Variants in CABYR observed in about 807,000 individuals in gnomAD.
The protein encoded by CABYR is calcium-binding tyrosine phosphorylation-regulated protein.
CABYR carries 31 observed loss-of-function variants against 36.1 expected under a neutral mutation model. The ratio of observed to expected loss-of-function variants is 0.86; its 90% CI spans 0.64 to 1.16. The LOEUF (loss-of-function observed/expected upper bound fraction) is 1.16. Ranked by LOEUF, CABYR falls within the 50% of genes most tolerant of loss-of-function variation. The pLI is 0.00. For synonymous variants in CABYR, 146 were observed against 160.7 expected (o/e 0.91, Z 0.69); for missense variants, 429 against 455.8 (o/e 0.94, Z 0.53).
chr18:24,145,346 A>T (rs909699181), intron 3 of CABYR, among the ~76,000 whole-genome samples: 1 of 152,226 alleles, frequency 6.6e-6, no homozygotes, highest in Admixed American at 6.5e-5. Context: ...ATATAAAACG[A>T]AGTCCAGCAC....
chr18:24,146,872 G>T (rs2085471838), intron 3 of CABYR, among the ~76,000 whole-genome samples: 1 of 152,120 alleles, frequency 6.6e-6, no homozygotes, highest in African/African-American at 2.4e-5. Flanking sequence ...GACCTAGAAT[G>T]CCAGCCTAGA....
chr18:24,158,090 G>C (rs1284625446), intron 4 of CABYR, among the ~76,000 whole-genome samples: 1 of 152,168 alleles, frequency 6.6e-6, no homozygotes, highest in Non-Finnish European at 1.5e-5. Flanking sequence ...AGCATATCCA[G>C]ACCAAGTCAC....
rs145116570 is a variant in CABYR, at chr18:24,158,696, G to A, written c.542-776G>A. Among the ~76,000 whole-genome samples, 1,213 of 152,236 alleles carry A rather than the reference G, an allele frequency of 8.0e-3. 8 individuals are homozygous for A. The highest frequency in any genetic ancestry group is 0.026 in the South Asian group (127 of 4,816). On this transcript the variant is annotated intron_variant, in intron 4 of 5. Coordinates refer to ENST00000399496, the MANE Select transcript of CABYR (RefSeq NM_153769.3). ...GGCCCAGCGTTCAAAAGGTAAACTC[G>A]GCACATTTGGGCAAAGTGAAACTCC...
chr18:24,152,908 T>A (rs1281561057), intron 3 of CABYR: 1 of 152,266 alleles, frequency 6.6e-6, no homozygotes, highest in African/African-American at 2.4e-5. Context: ...GGGAGGTCAG[T>A]CTGGTTAGGA....
intron 1 of CABYR, among the ~76,000 whole-genome samples, chr18:24,142,818 G>T (rs1329449190): frequency 6.6e-6 from 1 of 151,896 alleles, no homozygotes; most frequent in Non-Finnish European, 1.5e-5. Context: ...AGATCATGAG[G>T]TCAGGAGATC....
chr18:24,158,460 A>G (rs1035123109), intron 4 of CABYR, among the ~76,000 whole-genome samples: 2 of 151,790 alleles, frequency 1.3e-5, no homozygotes, highest in Admixed American at 1.3e-4. Context: ...CTGGGATTAC[A>G]GGCATGCGCC....
Position 24,155,769 on chromosome 18 carries a change from T to G in CABYR, c.268T>G (p.Ser90Ala). 6.2e-7 allele frequency: 1 copy of G among 1,613,956 alleles called. No individual in the cohort carries two copies. The highest frequency in any genetic ancestry group is 2.2e-5 in the East Asian group (1 of 44,884). ...LECLKEPGKT[S>A]VESKVPTQME... Reference sequence around the variant, plus strand: ...ATGTTTAAAAGAACCAGGAAAAACATCTGTAGAATCTAAAGTACCTACCCA... The same window carrying G: ...ATGTTTAAAAGAACCAGGAAAAACAGCTGTAGAATCTAAAGTACCTACCCA... The change falls in exon 4 of 6, where the codon TCT becomes GCT. Residue 90 changes from serine (S) to alanine (A), a missense_variant. Coordinates refer to ENST00000399496, the MANE Select transcript of CABYR (RefSeq NM_153769.3).
intron 1 of CABYR, among the ~76,000 whole-genome samples, chr18:24,142,520 G>T (rs1326664779): frequency 3.3e-5 from 5 of 152,044 alleles, no homozygotes; most frequent in African/African-American, 4.8e-5. Context: ...ACAGAGGCAG[G>T]TCTTGTTTTT....
chr18:24,142,053 G>A (rs1231739422), intron 1 of CABYR, among the ~76,000 whole-genome samples: 1 of 152,174 alleles, frequency 6.6e-6, no homozygotes, highest in Non-Finnish European at 1.5e-5. Context: ...GGTCGGGCAC[G>A]GTGGCTCATG....
intron 5 of CABYR, chr18:24,160,793 TTAGG>T (rs1472197115): frequency 6.6e-6 from 1 of 152,320 alleles, no homozygotes; most frequent in African/African-American, 2.4e-5. Context: ...ATTGTCACTA[TTAGG>T]TAGGGTGTTC....
At chr18:24,145,369 G>A (rs115503856) in intron 3 of CABYR, among the ~76,000 whole-genome samples, 1,727 of 152,260 alleles carry the variant, frequency 0.011, 32 homozygotes, top group African/African-American at 0.04. Flanking sequence ...AGATTCTTGG[G>A]AGAAAGGACT....
At chr18:24,152,862 G>A (rs2085675896) in intron 3 of CABYR, 2 of 152,158 alleles carry the variant, frequency 1.3e-5, no homozygotes, top group Admixed American at 1.3e-4. Context: ...GACCTAATGG[G>A]GGAAAATAGG....
chr18:24,160,089 A>G lies in CABYR; in HGVS notation c.1139+20A>G, dbSNP rs1364973570. The G allele has an allele frequency of 6.4e-7, 1 of 1,558,652 alleles. No individual in the cohort carries two copies. The highest frequency in any genetic ancestry group is 2.2e-5 in the East Asian group (1 of 44,576). Reference sequence around the variant, plus strand: ...AAACTGGTAGGTACACTTTCCTACCATAATATTTAGGCCTTAACACACGCG... The same window carrying G: ...AAACTGGTAGGTACACTTTCCTACCGTAATATTTAGGCCTTAACACACGCG... On this transcript the variant is annotated intron_variant, in intron 5 of 5. Coordinates refer to ENST00000399496, the MANE Select transcript of CABYR (RefSeq NM_153769.3).
chr18:24,156,227 T>C (rs1430880568), intron 4 of CABYR, 185 bp downstream of exon 4: 3 of 1,614,146 alleles, frequency 1.9e-6, no homozygotes, highest in East Asian at 2.2e-5. Flanking sequence ...CATCTGTCCA[T>C]GTAGATTTGG....
At chr18:24,144,899 T>C (rs761447425) in intron 3 of CABYR, among the ~76,000 whole-genome samples, 1 of 152,224 alleles carries the variant, frequency 6.6e-6, no homozygotes, top group Non-Finnish European at 1.5e-5. Flanking sequence ...AGTAATACTT[T>C]TCTGGCATAT....
At chr18:24,144,042 C>T (rs1052694943) in intron 3 of CABYR, among the ~76,000 whole-genome samples, 7 of 152,026 alleles carry the variant, frequency 4.6e-5, no homozygotes, top group Non-Finnish European at 8.8e-5. Context: ...GGACTCCAGG[C>T]GCCCACCAGC....
Position 24,142,338 on chromosome 18 carries a change from C to T in CABYR, c.-24-753C>T, listed in dbSNP as rs116653277. On this transcript the variant is annotated intron_variant, in intron 1 of 5. Transcript: ENST00000399496. ...CATCTCAAAAAAAAAAGCAGCATGT[C>T]TGAGAATATATTTAGAAAAATAAGG... Among the ~76,000 whole-genome samples, 452 of 151,328 alleles carry T rather than the reference C, an allele frequency of 3.0e-3. 1 individual carries two copies. The highest frequency in any genetic ancestry group is 0.011 in the African/African-American group (433 of 41,210).
chr18:24,141,631 G>A (rs1001445549), intron 1 of CABYR, among the ~76,000 whole-genome samples: 1 of 152,162 alleles, frequency 6.6e-6, no homozygotes, highest in African/African-American at 2.4e-5. Flanking sequence ...TTTACCTGTA[G>A]CTTCACCTTG....
chr18:24,149,730 C>A (rs1390608649), intron 3 of CABYR, among the ~76,000 whole-genome samples: 1 of 152,254 alleles, frequency 6.6e-6, no homozygotes, highest in Non-Finnish European at 1.5e-5. Context: ...GGCGAGAAAT[C>A]AAGCACAGCG....
Sources: gnomAD v4.1 joint callset for allele counts (sites outside exome capture counted in the v4.1 genomes callset) on GRCh38, gnomAD v4.1.1 for gene constraint, MANE v1.5 for transcripts, NCBI Gene and HGNC (gene_info 2026-07-23, HGNC 2026-07-21) for gene names.